The following FHOD3 variants were observed in gnomAD, a reference collection of about 807,000 sequenced individuals.
FHOD3 encodes the protein FH1/FH2 domain-containing protein 3.
In FHOD3, 90 loss-of-function variants were observed where a neutral mutation model predicts 173.0. The ratio of observed to expected loss-of-function variants is 0.52; its 90% CI spans 0.44 to 0.62. The LOEUF is 0.62. Among genes scored for constraint, FHOD3 ranks in the 20% least tolerant of loss-of-function variants. FHOD3 has a pLI of 0.00. For missense variants in FHOD3, 1,945 were observed against 2,034.7 expected (o/e 0.96, Z 0.85); for synonymous variants, 828 against 823.0 (o/e 1.01, Z -0.10).
chr18:36,329,021 G>C (rs144647374), intron 1 of FHOD3, among the ~76,000 whole-genome samples: 440 of 152,302 alleles, frequency 2.9e-3, no homozygotes, highest in Non-Finnish European at 5.2e-3. Context: ...CCAGGCTGGC[G>C]GGTGTTGCCC....
Position 36,400,757 on chromosome 18 carries a change from A to C in FHOD3, c.337+28013A>C, listed in dbSNP as rs73418947. 7.5e-3 allele frequency among the ~76,000 whole-genome samples: 1,139 copies of C among 152,328 alleles called. 16 individuals carry two copies. The highest frequency in any genetic ancestry group is 0.026 in the African/African-American group (1,080 of 41,576). On this transcript the variant is annotated intron_variant, in intron 3 of 28. Transcript: ENST00000590592. The stretch of plus-strand genomic sequence containing the variant: ...GGGAGCAGAGGTCTAACCAAAGGCA[A>C]CCAGGAAGTGAGTGTCCACAGCCAT...
chr18:36,632,489 A>G lies in FHOD3; in HGVS notation c.1196+6740A>G, dbSNP rs182614747. ...AGTAGAATATAAGTATTCTTTACAC[A>G]TTTTAGATATTAATATTTTGACCAT... is the stretch of plus-strand genomic sequence containing the variant. On this transcript the variant is annotated intron_variant, in intron 10 of 28. Transcript: ENST00000590592. Among the ~76,000 whole-genome samples the G allele has an allele frequency of 3.6e-3, 548 of 152,290 alleles. 3 individuals are homozygous for G. The highest frequency in any genetic ancestry group is 9.5e-3 in the South Asian group (46 of 4,828).
rs56235021 is a variant in FHOD3, at chr18:36,521,883, G to A, written c.511+9340G>A. The stretch of plus-strand genomic sequence containing the variant: ...GCCACTCCCTGCCATCCCAGGGAGG[G>A]TGATGTTCTGTCCTGCAGACCTTGG... On this transcript the variant is annotated intron_variant, in intron 5 of 28. Transcript: ENST00000590592. Among the ~76,000 whole-genome samples the A allele has an allele frequency of 3.4e-3, 515 of 152,292 alleles. 1 individual carries two copies. The highest frequency in any genetic ancestry group is 6.0e-3 in the Non-Finnish European group (408 of 68,026).
At chr18:36,558,989 A>G (rs1568425948) in intron 5 of FHOD3, among the ~76,000 whole-genome samples, 1 of 150,362 alleles carries the variant, frequency 6.7e-6, no homozygotes, top group Non-Finnish European at 1.5e-5. Context: ...CTCCTCTGAC[A>G]AGCTATTCTA....
intron 1 of FHOD3, among the ~76,000 whole-genome samples, chr18:36,313,704 T>C (rs1259393729): frequency 1.3e-5 from 2 of 152,204 alleles, no homozygotes; most frequent in Non-Finnish European, 2.9e-5. Flanking sequence ...TTCTGGTTTT[T>C]GGTGATTATG....
chr18:36,557,291 A>G (rs2147527859), intron 5 of FHOD3, among the ~76,000 whole-genome samples: 1 of 152,210 alleles, frequency 6.6e-6, no homozygotes, highest in South Asian at 2.1e-4. Flanking sequence ...AGTAACCAAT[A>G]TGTGCTACGT....
intron 16 of FHOD3, among the ~76,000 whole-genome samples, chr18:36,690,168 T>G (rs1246636596): frequency 6.6e-6 from 1 of 152,194 alleles, no homozygotes; most frequent in Admixed American, 6.5e-5. Flanking sequence ...GATTTTTCCT[T>G]GTTTATTATT....
intron 3 of FHOD3, among the ~76,000 whole-genome samples, chr18:36,441,189 G>T (rs1400784412): frequency 6.6e-6 from 1 of 152,022 alleles, no homozygotes; most frequent in African/African-American, 2.4e-5. Flanking sequence ...TGGGTGAGGT[G>T]AGCAGGTATA....
intron 5 of FHOD3, among the ~76,000 whole-genome samples, chr18:36,518,714 C>T (rs867412456): frequency 1.1e-4 from 16 of 152,262 alleles, no homozygotes; most frequent in Middle Eastern, 3.4e-3. Context: ...AAACTTAAGC[C>T]GACCCAGGCC....
chr18:36,669,437 ATTTG>A (rs1302694968), intron 14 of FHOD3, among the ~76,000 whole-genome samples: 1 of 151,446 alleles, frequency 6.6e-6, no homozygotes, highest in Admixed American at 6.6e-5. Flanking sequence ...GTGATTATTG[ATTTG>A]TTTGAGTTTA....
chr18:36,300,443 A>G (rs1037282192), intron 1 of FHOD3, among the ~76,000 whole-genome samples: 3 of 152,232 alleles, frequency 2.0e-5, no homozygotes, highest in Non-Finnish European at 2.9e-5. Flanking sequence ...CAGAGTGCAT[A>G]GTCAGAAGTG....
chr18:36,654,274 T>G (rs936585741), intron 13 of FHOD3, among the ~76,000 whole-genome samples: 3 of 152,220 alleles, frequency 2.0e-5, no homozygotes, highest in Non-Finnish European at 4.4e-5. Flanking sequence ...CCAGTCTTTA[T>G]GGGTATCAGA....
At position 36,602,746 on chromosome 18, in the gene FHOD3, A is replaced by G; in HGVS notation, c.791A>G (p.Tyr264Cys). 6.2e-7 allele frequency: 1 copy of G among 1,614,168 alleles called. No homozygotes were observed. Among genetic ancestry groups the G allele is most frequent in the Non-Finnish European group, 8.5e-7 (1 of 1,179,998 alleles). ...KDGVDTELLV[Y>C]AMTLVNKTLS... ...GGAGTTGATACGGAGCTACTGGTTT[A>G]TGCAATGACTTTGGTGAACAAGGTT... Residue 264 changes from tyrosine (Y) to cysteine (C), a missense_variant, in exon 8 of 29, where the codon TAT becomes TGT. Transcript: ENST00000590592.
At chr18:36,604,386 G>C (rs1017038330) in intron 8 of FHOD3, among the ~76,000 whole-genome samples, 6 of 152,174 alleles carry the variant, frequency 3.9e-5, no homozygotes, top group Admixed American at 2.0e-4. Flanking sequence ...TCTCCTACTA[G>C]AGAGTAAAAT....
intron 11 of FHOD3, 106 bp downstream of exon 11, chr18:36,649,511 A>C: frequency 1.3e-6 from 1 of 769,614 alleles, no homozygotes; most frequent in Non-Finnish European, 2.1e-6. Flanking sequence ...ATTGACTCCC[A>C]CTTGCAAACT....
chr18:36,765,150 C>T (rs143697991), intron 27 of FHOD3, among the ~76,000 whole-genome samples: 1 of 152,192 alleles, frequency 6.6e-6, no homozygotes. Context: ...GGAAGGTCAG[C>T]GGGTGATGCT....
At chr18:36,764,818 T>C (rs1402658438) in intron 27 of FHOD3, among the ~76,000 whole-genome samples, 1 of 152,144 alleles carries the variant, frequency 6.6e-6, no homozygotes, top group Non-Finnish European at 1.5e-5. Flanking sequence ...GCCACCCACC[T>C]GCTACAACAA....
At chr18:36,741,007 A>G (rs767869501) in intron 21 of FHOD3, among the ~76,000 whole-genome samples, 169 bp downstream of exon 21, 4 of 152,208 alleles carry the variant, frequency 2.6e-5, no homozygotes, top group Non-Finnish European at 5.9e-5. Context: ...CAGCTGGCCA[A>G]TGAAGGCTGA....
intron 2 of FHOD3, among the ~76,000 whole-genome samples, chr18:36,357,522 G>A (rs7239938): frequency 4.7e-4 from 71 of 152,200 alleles, no homozygotes; most frequent in African/African-American, 1.7e-3. Context: ...TGGTAGTAAG[G>A]GCACACCAAT....
Sources: gnomAD v4.1 joint callset for allele counts (sites outside exome capture counted in the v4.1 genomes callset) on GRCh38, gnomAD v4.1.1 for gene constraint, MANE v1.5 for transcripts, NCBI Gene and HGNC (gene_info 2026-07-23, HGNC 2026-07-21) for gene names.